ZKSCAN4: variants seen among roughly 807,000 people sequenced by gnomAD.
ZKSCAN4 encodes zinc finger protein with KRAB and SCAN domains 4.
In ZKSCAN4, 23 loss-of-function variants were observed where a neutral mutation model predicts 30.8. That is an observed-to-expected ratio of 0.75 (90% CI 0.54 to 1.06). The LOEUF is 1.06. Among genes scored for constraint, ZKSCAN4 ranks in the 50% least tolerant of loss-of-function variants. The probability of loss-of-function intolerance (pLI) is 0.00; values close to 1 mark genes in which losing one functional copy is unlikely to be tolerated. For missense variants in ZKSCAN4, 556 were observed against 665.4 expected, an observed-to-expected ratio of 0.84 and a Z score of 1.81; for synonymous variants, 208 against 252.5, an observed-to-expected ratio of 0.82 and a Z score of 1.67.
In ZKSCAN4 at chr6:28,248,074, C is replaced by T. The variant is rs1581582888; in HGVS notation, c.647G>A (p.Gly216Glu). Reference sequence around the variant, plus strand: ...AGAGGAGCTCCAGCTCACCTGGGACCCTGGAGTGAGCCTGGAAGCTACCAT... The same window carrying T: ...AGAGGAGCTCCAGCTCACCTGGGACTCTGGAGTGAGCCTGGAAGCTACCAT... Reference protein sequence around the residue: ...DAMVASRLTPGSQGLLKMEDV... With the variant: ...DAMVASRLTPESQGLLKMEDV... The change falls in exon 3 of 5, where the codon GGG (glycine) becomes GAG (glutamate). Residue 216 changes from glycine to glutamate, a missense_variant. Coordinates refer to ENST00000377294, the MANE Select transcript of ZKSCAN4 (RefSeq NM_019110.5). 2.5e-6 allele frequency: 4 copies of T among 1,612,218 alleles called. No individual in the cohort carries two copies. Among genetic ancestry groups the T allele is most frequent in the Non-Finnish European group, 3.4e-6 (4 of 1,178,960 alleles).
chr6:28,257,204 A>G (rs1243149619), upstream of ZKSCAN4, among the ~76,000 whole-genome samples: 1 of 152,272 alleles, frequency 6.6e-6, no homozygotes, highest in African/African-American at 2.4e-5. Flanking sequence ...ATGGAATACT[A>G]TACAGCCATA....
the ZKSCAN4 span, among the ~76,000 whole-genome samples, chr6:28,258,704 T>G: frequency 1.1e-3 from 169 of 150,428 alleles, 2 homozygotes; most frequent in African/African-American, 3.9e-3. Context: ...GGAAGTCAAG[T>G]CGGCCCTGAG....
At chr6:28,253,408 A>G (rs1160913580), upstream of ZKSCAN4, among the ~76,000 whole-genome samples, 1 of 152,260 alleles carries the variant, frequency 6.6e-6, no homozygotes, top group East Asian at 1.9e-4. The surrounding 1 kb of genome is among the most constrained non-coding windows in gnomAD (Gnocchi z 4.2). Flanking sequence ...ACTTAAGAAA[A>G]TGAGAAGTCC....
rs1274674166 is a variant in ZKSCAN4, at chr6:28,249,646, GAA to G, written c.571+39_571+40del. 4.4e-6 allele frequency: 7 copies of G among 1,586,822 alleles called. No individual in the cohort carries two copies. Among genetic ancestry groups the G allele is most frequent in the Non-Finnish European group, 6.0e-6 (7 of 1,165,844 alleles). The stretch of plus-strand genomic sequence containing the variant: ...AGGTGATCCTTAAATGAAATTGGAT[GAA>G]GTCTATAGAATTCATACAACCCAGA... On this transcript the variant is annotated intron_variant, in intron 2 of 4. Transcript: ENST00000377294. The surrounding 1 kb of genome is among the most constrained non-coding windows in gnomAD (Gnocchi z 4.1).
Position 28,242,584 on chromosome 6 carries a change from A to C in ZKSCAN4, c.*2532T>G, listed in dbSNP as rs745853696. Among the ~76,000 whole-genome samples the C allele has an allele frequency of 6.6e-5, 10 of 152,182 alleles. No homozygotes were observed. Among genetic ancestry groups the C allele is most frequent in the Non-Finnish European group, 1.5e-5 (1 of 68,034 alleles). ...TTGTGAGTCCATTCAGCTTTCTAAC[A>C]TGTCACCCTGTCCATATAATAACAG... On this transcript the variant is annotated 3_prime_UTR_variant, in exon 5 of 5. Transcript: ENST00000377294.
rs747190922 is a variant in ZKSCAN4, at chr6:28,243,662, TTC to T, written c.*1452_*1453del. 1.3e-5 allele frequency among the ~76,000 whole-genome samples: 2 copies of T among 151,264 alleles called. No individual in the cohort carries two copies. The highest frequency in any genetic ancestry group is 4.9e-5 in the African/African-American group (2 of 40,766). ...TGCTTCTGAACAGACACATTTTCTTTTCTTTTTTTTTTTTCTTTTTGAGACAG... is the reference window on the plus strand; with the variant it reads ...TGCTTCTGAACAGACACATTTTCTTTTTTTTTTTTTTTCTTTTTGAGACAG... On this transcript the variant is annotated 3_prime_UTR_variant, in exon 5 of 5. Coordinates refer to ENST00000377294, the MANE Select transcript of ZKSCAN4 (RefSeq NM_019110.5).
In ZKSCAN4 at chr6:28,251,828, G is replaced by A; in HGVS notation, c.153C>T (p.Arg51=). 1 of 1,611,460 alleles carries A rather than the reference G, an allele frequency of 6.2e-7. No individual in the cohort carries two copies. The highest frequency in any genetic ancestry group is 8.5e-7 in the Non-Finnish European group (1 of 1,178,392). ...APCSPARGPE[R]SRQRFRGFRY... Reference sequence around the variant, plus strand: ...GGAAGCCTCGGAAGCGCTGGCGGGAGCGTTCGGGGCCCCGAGCAGGGCTGC... The same window carrying A: ...GGAAGCCTCGGAAGCGCTGGCGGGAACGTTCGGGGCCCCGAGCAGGGCTGC... The change falls in exon 1 of 5, where the codon CGC becomes CGT. Residue 51 remains arginine, a synonymous_variant. Transcript: ENST00000377294. This position sits in a 1 kb window ranked among gnomAD's most constrained non-coding sequence, Gnocchi z 4.5.
rs190631306 is a variant in ZKSCAN4, at chr6:28,243,131, T to G, written c.*1985A>C. Among the ~76,000 whole-genome samples the G allele has an allele frequency of 2.6e-5, 4 of 152,224 alleles. No individual in the cohort carries two copies. The East Asian group carries it at 7.7e-4, about 29-fold the overall frequency. On this transcript the variant is annotated 3_prime_UTR_variant, in exon 5 of 5. Transcript: ENST00000377294. ...GCTAGCTTTGTGGAAATAACATAAATAAAGCTGATTTTAAAGAAATTTGAA... is the reference window on the plus strand; with the variant it reads ...GCTAGCTTTGTGGAAATAACATAAAGAAAGCTGATTTTAAAGAAATTTGAA...
At position 28,248,111 on chromosome 6, in the gene ZKSCAN4, TGCA is replaced by T; in HGVS notation, c.607_609del (p.Cys203del). The T allele has an allele frequency of 6.2e-7, 1 of 1,613,808 alleles. No homozygotes were observed. Among genetic ancestry groups the T allele is most frequent in the Non-Finnish European group, 8.5e-7 (1 of 1,179,856 alleles). On this transcript the variant is annotated inframe_deletion, in exon 3 of 5. Transcript: ENST00000377294. ...CTGGAAGCTACCATTGCATCTTCTC[TGCA>T]GCACCCTCCCTGGGCAAGCCCAGGA...
rs1454097855 is a variant in ZKSCAN4, at chr6:28,243,184, G to A, written c.*1932C>T. The stretch of plus-strand genomic sequence containing the variant: ...GGCTAGAAAAGATTGAGCAGAGAAA[G>A]TCTACAGAACTTTGGAATTCTAAAG... On this transcript the variant is annotated 3_prime_UTR_variant, in exon 5 of 5. Transcript: ENST00000377294. Among the ~76,000 whole-genome samples, 1 of 152,194 alleles carries A rather than the reference G, an allele frequency of 6.6e-6. No homozygotes were observed. The highest frequency in any genetic ancestry group is 2.4e-5 in the African/African-American group (1 of 41,438).
In ZKSCAN4 at chr6:28,244,905, C is replaced by T; in HGVS notation, c.*211G>A. The T allele has an allele frequency of 1.5e-6, 1 of 677,078 alleles. No individual in the cohort carries two copies. Among genetic ancestry groups the T allele is most frequent in the Non-Finnish European group, 2.6e-6 (1 of 389,304 alleles). 41.9% of individuals were successfully genotyped at this position (677,078 alleles called of 1,614,324 possible). On this transcript the variant is annotated 3_prime_UTR_variant, in exon 5 of 5. Transcript: ENST00000377294. Reference sequence around the variant, plus strand: ...TAGGTCCTACAACTTCCAGACCACTCTCCCATGGCCTCTTATCAAATGACT... The same window carrying T: ...TAGGTCCTACAACTTCCAGACCACTTTCCCATGGCCTCTTATCAAATGACT...
chr6:28,243,731 C>T lies in ZKSCAN4; in HGVS notation c.*1385G>A, dbSNP rs1196405450. Among the ~76,000 whole-genome samples, 1 of 151,534 alleles carries T rather than the reference C, an allele frequency of 6.6e-6. No individual in the cohort carries two copies. Among genetic ancestry groups the T allele is most frequent in the Non-Finnish European group, 1.5e-5 (1 of 67,952 alleles). On this transcript the variant is annotated 3_prime_UTR_variant, in exon 5 of 5. Transcript: ENST00000377294. The stretch of plus-strand genomic sequence containing the variant: ...CCAGGCTGGACTGCAGTGGCACCAT[C>T]TCGGCTCACTGCAACCTCCACCTCC...
At chr6:28,248,265 T>C in intron 2 of ZKSCAN4, 116 bp from the exon 3 acceptor site, 1 of 691,544 alleles carries the variant, frequency 1.4e-6, no homozygotes. Flanking sequence ...TTATACAGAA[T>C]GTGTTCCTTT....
At position 28,245,274 on chromosome 6, in the gene ZKSCAN4, T is replaced by C. The variant is rs1286879817; in HGVS notation, c.1480A>G (p.Arg494Gly). The stretch of plus-strand genomic sequence containing the variant: ...AGACTTCTATTCCGTGTGAAACTTC[T>C]CTCACACTCATTACATTTATAAGAC... ...PVSYKCNECE[R>G]SFTRNRSLIE... The change falls in exon 5 of 5, where the codon AGA becomes GGA. Residue 494 changes from arginine to glycine, a missense_variant. Physicochemically the swap from Arg to Gly is moderately radical, Grantham distance 125 (BLOSUM62 -2). Coordinates refer to ENST00000377294, the MANE Select transcript of ZKSCAN4 (RefSeq NM_019110.5). 5.6e-6 allele frequency: 9 copies of C among 1,614,094 alleles called. No individual in the cohort carries two copies. The highest frequency in any genetic ancestry group is 7.6e-6 in the Non-Finnish European group (9 of 1,180,016).
In ZKSCAN4 at chr6:28,251,614, C is replaced by G. The variant is rs779328513; in HGVS notation, c.367G>C (p.Glu123Gln). ...AAATACTCCAATAGCACCACCACCT[C>G]CTCCCCGCTCTCTGGATGCTGCTCC... ...VREQHPESGE[E>Q]VVVLLEYLER... Residue 123 changes from glutamate (E) to glutamine (Q), a missense_variant, in exon 1 of 5, where the codon GAG becomes CAG. By Grantham distance (29) the Glu-to-Gln change is conservative (BLOSUM62 2). Transcript: ENST00000377294. This position sits in a 1 kb window ranked among gnomAD's most constrained non-coding sequence, Gnocchi z 4.5. 2 of 1,614,210 alleles carry G rather than the reference C, an allele frequency of 1.2e-6. No homozygotes were observed. The highest frequency in any genetic ancestry group is 2.2e-5 in the South Asian group (2 of 91,090).
Position 28,243,266 on chromosome 6 carries a change from TTAA to T in ZKSCAN4, c.*1847_*1849del, listed in dbSNP as rs1231278618. Among the ~76,000 whole-genome samples, 1 of 152,184 alleles carries T rather than the reference TTAA, an allele frequency of 6.6e-6. No individual in the cohort carries two copies. Among genetic ancestry groups the T allele is most frequent in the Non-Finnish European group, 1.5e-5 (1 of 68,028 alleles). On this transcript the variant is annotated 3_prime_UTR_variant, in exon 5 of 5. Coordinates refer to ENST00000377294, the MANE Select transcript of ZKSCAN4 (RefSeq NM_019110.5). The stretch of plus-strand genomic sequence containing the variant: ...GAAGGCAATAAAAGATTGTAGGGAA[TTAA>T]TAAAGGGAGAGCTCTACGGTTTTGT...
At position 28,251,523 on chromosome 6, in the gene ZKSCAN4, C is replaced by G; in HGVS notation, c.423+35G>C. ...ATCTGGGATTTCAGGAGGAAACAGACCACAGCGCTCAGATACTAAACCTGT... is the reference window on the plus strand; with the variant it reads ...ATCTGGGATTTCAGGAGGAAACAGAGCACAGCGCTCAGATACTAAACCTGT... On this transcript the variant is annotated intron_variant, in intron 1 of 4. Coordinates refer to ENST00000377294, the MANE Select transcript of ZKSCAN4 (RefSeq NM_019110.5). This position sits in a 1 kb window ranked among gnomAD's most constrained non-coding sequence, Gnocchi z 4.5. 1 of 1,614,210 alleles carries G rather than the reference C, an allele frequency of 6.2e-7. No individual in the cohort carries two copies. The highest frequency in any genetic ancestry group is 8.5e-7 in the Non-Finnish European group (1 of 1,180,026).
chr6:28,256,562 C>T (rs1055051988), upstream of ZKSCAN4, among the ~76,000 whole-genome samples: 1 of 152,206 alleles, frequency 6.6e-6, no homozygotes, highest in Non-Finnish European at 1.5e-5. Flanking sequence ...ACATCTGGTA[C>T]TTTCCTTGAT....
the ZKSCAN4 span, among the ~76,000 whole-genome samples, chr6:28,258,310 A>G: frequency 1.3e-5 from 2 of 152,220 alleles, no homozygotes; most frequent in Non-Finnish European, 2.9e-5. Flanking sequence ...ATGATCTTGC[A>G]TAAAACGTTT....
Sources: gnomAD v4.1 joint callset for allele counts (sites outside exome capture counted in the v4.1 genomes callset) on GRCh38, gnomAD v4.1.1 for gene constraint, Gnocchi (gnomAD v3.1) non-coding constraint, MANE v1.5 for transcripts, NCBI Gene and HGNC (gene_info 2026-07-23, HGNC 2026-07-21) for gene names.